Variants in EDIL3 observed in about 807,000 individuals in gnomAD.
EDIL3 encodes the protein EGF-like repeat and discoidin I-like domain-containing protein 3.
EDIL3 carries 37 observed loss-of-function variants against 67.4 expected under a neutral mutation model. The observed-to-expected ratio is 0.55, with a 90% CI of 0.42 to 0.72. EDIL3 has a LOEUF of 0.72. Ranked by LOEUF, EDIL3 falls within the 30% of genes least tolerant of loss-of-function variation. The pLI is 0.00. For missense variants in EDIL3, 527 were observed against 586.3 expected, an observed-to-expected ratio of 0.90 and a Z score of 1.04; for synonymous variants, 195 against 196.3, an observed-to-expected ratio of 0.99 and a Z score of 0.05.
intron 9 of EDIL3, among the ~76,000 whole-genome samples, chr5:84,052,454 T>TA (rs200806010): frequency 0.3 from 45,967 of 150,764 alleles, 7,137 homozygotes; most frequent in African/African-American, 0.35. Context: ...AATTCACACA[T>TA]ACAATATTAA....
chr5:84,229,948 G>A, intron 2 of EDIL3, 64 bp from the exon 3 acceptor site: 3 of 1,346,284 alleles, frequency 2.2e-6, no homozygotes, highest in South Asian at 1.3e-5. Flanking sequence ...GAAGGGGGGA[G>A]AGAGAAAGAA....
At chr5:84,309,557 T>C (rs939470738) in intron 1 of EDIL3, among the ~76,000 whole-genome samples, 4 of 151,518 alleles carry the variant, frequency 2.6e-5, no homozygotes, top group Non-Finnish European at 5.9e-5. Flanking sequence ...TGTGTTCTCA[T>C]TGTTCAATTC....
chr5:84,074,756 G>T (rs1038999317), intron 6 of EDIL3, among the ~76,000 whole-genome samples: 31 of 152,224 alleles, frequency 2.0e-4, no homozygotes, highest in African/African-American at 7.5e-4. Context: ...TGGTGGGACG[G>T]TAAACTAGTT....
rs1321095298 is a variant in EDIL3, at chr5:84,311,974, T to C, written c.68-57762A>G. Among the ~76,000 whole-genome samples, 6 of 152,202 alleles carry C rather than the reference T, an allele frequency of 3.9e-5. No homozygotes were observed. In the South Asian group the frequency reaches 1.0e-3, roughly 26 times the overall value. On this transcript the variant is annotated intron_variant, in intron 1 of 10. Coordinates refer to ENST00000296591, the MANE Select transcript of EDIL3 (RefSeq NM_005711.5). The stretch of plus-strand genomic sequence containing the variant: ...GTGTCTACCTCTTTCTACACAGACA[T>C]GGCAACCATCCGATTTCTCAATCCT...
At chr5:84,042,164 AAATT>A (rs1392205359) in intron 9 of EDIL3, among the ~76,000 whole-genome samples, 1 of 152,224 alleles carries the variant, frequency 6.6e-6, no homozygotes, top group Admixed American at 6.5e-5. Flanking sequence ...ATAAAAATAG[AAATT>A]AATAATGTAA....
At chr5:84,014,138 A>AT (rs1474745609) in intron 9 of EDIL3, among the ~76,000 whole-genome samples, 1 of 152,110 alleles carries the variant, frequency 6.6e-6, no homozygotes, top group Non-Finnish European at 1.5e-5. Context: ...GCTTAACAGG[A>AT]TTTTTCAATA....
chr5:83,956,693 G>T (rs1247530415), intron 10 of EDIL3, among the ~76,000 whole-genome samples: 1 of 151,560 alleles, frequency 6.6e-6, no homozygotes, highest in Admixed American at 6.6e-5. Context: ...TCCTAGTCAG[G>T]TCTCATAATA....
chr5:84,352,793 T>TA (rs1393697605), intron 1 of EDIL3, among the ~76,000 whole-genome samples: 1 of 151,902 alleles, frequency 6.6e-6, no homozygotes, highest in Non-Finnish European at 1.5e-5. Context: ...TCCATAAAAA[T>TA]AAAAAATGTG....
chr5:84,270,212 A>T (rs1403179833), intron 1 of EDIL3, among the ~76,000 whole-genome samples: 2 of 152,198 alleles, frequency 1.3e-5, no homozygotes, highest in Non-Finnish European at 2.9e-5. Context: ...TAAAAACCCA[A>T]TTAGCAGCAA....
chr5:84,238,975 C>T (rs1744737676), intron 2 of EDIL3, among the ~76,000 whole-genome samples: 1 of 152,012 alleles, frequency 6.6e-6, no homozygotes, highest in South Asian at 2.1e-4. Flanking sequence ...AATTTCTACC[C>T]TTCTAACAGA....
At chr5:84,300,604 T>A (rs1294072272) in intron 1 of EDIL3, among the ~76,000 whole-genome samples, 1 of 152,174 alleles carries the variant, frequency 6.6e-6, no homozygotes, top group East Asian at 1.9e-4. Flanking sequence ...CTATAATAAG[T>A]AATCAACTAT....
chr5:84,312,202 T>G (rs1322206404), intron 1 of EDIL3, among the ~76,000 whole-genome samples: 2 of 122,302 alleles, frequency 1.6e-5, no homozygotes, highest in Non-Finnish European at 3.5e-5. Flanking sequence ...CCCCCCCACC[T>G]CCCTCCCCGA....
chr5:84,198,630 T>C (rs1743765838), intron 3 of EDIL3, among the ~76,000 whole-genome samples: 2 of 152,074 alleles, frequency 1.3e-5, no homozygotes, highest in African/African-American at 4.8e-5. Flanking sequence ...CACCTAAAGT[T>C]GTCTCATGAC....
intron 5 of EDIL3, among the ~76,000 whole-genome samples, chr5:84,116,808 A>G (rs554949881): frequency 2.0e-5 from 3 of 152,298 alleles, no homozygotes; most frequent in African/African-American, 7.2e-5. Context: ...GATTTAATAG[A>G]GTAACAATTT....
chr5:84,304,801 G>C (rs1348447179), intron 1 of EDIL3, among the ~76,000 whole-genome samples: 2 of 152,146 alleles, frequency 1.3e-5, no homozygotes, highest in Non-Finnish European at 2.9e-5. Flanking sequence ...TTGGATGCAA[G>C]CCAGGAAATC....
chr5:84,274,258 C>T (rs942633053), intron 1 of EDIL3, among the ~76,000 whole-genome samples: 19 of 152,100 alleles, frequency 1.2e-4, no homozygotes, highest in Non-Finnish European at 1.2e-4. Context: ...ATGCCCACCA[C>T]GCCCAGATAA....
intron 9 of EDIL3, among the ~76,000 whole-genome samples, chr5:84,042,386 A>C (rs1335658455): frequency 6.6e-6 from 1 of 151,464 alleles, no homozygotes; most frequent in Non-Finnish European, 1.5e-5. Flanking sequence ...GGTTCAAGTG[A>C]TTCTCCTGCC....
intron 9 of EDIL3, among the ~76,000 whole-genome samples, chr5:84,031,442 G>T (rs1354540074): frequency 6.6e-6 from 1 of 152,096 alleles, no homozygotes; most frequent in South Asian, 2.1e-4. Context: ...CATTTTTGTG[G>T]CTGTGACTTA....
chr5:83,959,197 G>GTATATATATATATACATTATATACATAT (rs1744565669), intron 10 of EDIL3, among the ~76,000 whole-genome samples: 1 of 145,804 alleles, frequency 6.9e-6, no homozygotes, highest in Non-Finnish European at 1.5e-5. Context: ...GTGTGGGTGT[G>GTATATATATATATACATTATATACATAT]TATATATATA....
Sources: gnomAD v4.1 joint callset for allele counts (sites outside exome capture counted in the v4.1 genomes callset) on GRCh38, gnomAD v4.1.1 for gene constraint, MANE v1.5 for transcripts, NCBI Gene and HGNC (gene_info 2026-07-23, HGNC 2026-07-21) for gene names.